DACH1: variants seen among roughly 807,000 people sequenced by gnomAD.
The protein encoded by DACH1 is dachshund homolog 1.
A neutral mutation model predicts 54.2 loss-of-function variants in DACH1; 12 were observed. The observed-to-expected ratio is 0.22, with a 90% CI of 0.14 to 0.36. DACH1 has a LOEUF of 0.36. DACH1 is among the 10% of genes least tolerant of loss of function. The probability of loss-of-function intolerance (pLI) is 1.00; values close to 1 mark genes in which losing one functional copy is unlikely to be tolerated. For synonymous variants in DACH1, 386 were observed against 366.2 expected, an observed-to-expected ratio of 1.05 and a Z score of -0.62; for missense variants, 805 against 929.8, an observed-to-expected ratio of 0.87 and a Z score of 1.75.
chr13:71,503,071 G>A (rs1195874374), intron 6 of DACH1, among the ~76,000 whole-genome samples: 2 of 152,152 alleles, frequency 1.3e-5, no homozygotes, highest in Non-Finnish European at 2.9e-5. Flanking sequence ...TCTTGGGACA[G>A]GCAGCACCGT....
intron 1 of DACH1, among the ~76,000 whole-genome samples, chr13:71,730,190 T>C (rs1231647820): frequency 6.6e-6 from 1 of 151,600 alleles, no homozygotes; most frequent in Non-Finnish European, 1.5e-5. Flanking sequence ...CCCTAAAACT[T>C]AAAGTATAAT....
rs1158501009 is a variant in DACH1 at position 71,536,064 on chromosome 13, T to A, written c.1570+20960A>T. 2.0e-5 allele frequency among the ~76,000 whole-genome samples: 3 copies of A among 152,192 alleles called. No individual in the cohort carries two copies. In the East Asian group the frequency reaches 5.8e-4, roughly 29 times the overall value. On this transcript the variant is annotated intron_variant, in intron 6 of 10. Transcript: ENST00000613252. ...TTTATTTCATTTTGATAGTAAATGA[T>A]TAAGAGAAATGTATTGATTTGTTCC...
Position 71,867,033 on chromosome 13 carries a change from C to T in DACH1, c.-264G>A, listed in dbSNP as rs1874875131. The T allele has an allele frequency of 2.1e-4, 2 of 9,702 alleles. No homozygotes were observed. Among genetic ancestry groups the T allele is most frequent in the Admixed American group, 2.9e-3 (2 of 692 alleles). 0.6% of individuals were successfully genotyped at this position (9,702 alleles called of 1,614,324 possible). A position where few individuals can be genotyped will look rare whatever the true frequency, so the allele number is the denominator to read the frequency against. On this transcript the variant is annotated 5_prime_UTR_variant, in exon 1 of 11. Coordinates refer to ENST00000613252, the MANE Select transcript of DACH1 (RefSeq NM_080759.6). ...CGCAAGTCGAAATGCGAGTCCTCTC[C>T]GGGGGCTGGGATCGAGGGCTGGTTT...
intron 3 of DACH1, among the ~76,000 whole-genome samples, chr13:71,581,983 G>A (rs1446175779): frequency 6.6e-6 from 1 of 152,154 alleles, no homozygotes; most frequent in African/African-American, 2.4e-5. Flanking sequence ...ATATGGGACT[G>A]AAATTTGGAA....
intron 6 of DACH1, among the ~76,000 whole-genome samples, chr13:71,509,270 C>A (rs560275732): frequency 6.6e-6 from 1 of 152,004 alleles, no homozygotes; most frequent in African/African-American, 2.4e-5. Flanking sequence ...CAACTGAGTC[C>A]AATAATGAAA....
chr13:71,601,309 T>C (rs1431352314), intron 3 of DACH1, among the ~76,000 whole-genome samples: 3 of 152,062 alleles, frequency 2.0e-5, no homozygotes, highest in Non-Finnish European at 4.4e-5. Flanking sequence ...TTAAACTTGC[T>C]ATTTATATGA....
Position 71,522,152 on chromosome 13 carries a change from T to G in DACH1, c.1571-33004A>C, listed in dbSNP as rs908309419. Among the ~76,000 whole-genome samples the G allele has an allele frequency of 5.9e-5, 9 of 152,144 alleles. No individual in the cohort carries two copies. In the South Asian group the frequency reaches 8.3e-4, roughly 14 times the overall value. ...TGTTTTTAGTAAGTGGATGTAGTAT[T>G]CATAAGCAGAGAGCTTTCAAGTTTT... On this transcript the variant is annotated intron_variant, in intron 6 of 10. Coordinates refer to ENST00000613252, the MANE Select transcript of DACH1 (RefSeq NM_080759.6).
chr13:71,862,566 G>A (rs1874428647), intron 1 of DACH1, among the ~76,000 whole-genome samples: 1 of 151,776 alleles, frequency 6.6e-6, no homozygotes, highest in Admixed American at 6.6e-5. Flanking sequence ...CATGTTTTGA[G>A]ACCTTTATTT....
intron 1 of DACH1, among the ~76,000 whole-genome samples, chr13:71,816,494 G>A (rs1594255880): frequency 6.7e-6 from 1 of 150,348 alleles, no homozygotes; most frequent in Non-Finnish European, 1.5e-5. Flanking sequence ...GCAAATACAT[G>A]GAATCAACCT....
At chr13:71,800,282 A>G (rs1887239005) in intron 1 of DACH1, among the ~76,000 whole-genome samples, 1 of 152,136 alleles carries the variant, frequency 6.6e-6, no homozygotes, top group African/African-American at 2.4e-5. Flanking sequence ...ATGGTTGCAA[A>G]GAAGCAAAGG....
intron 1 of DACH1, among the ~76,000 whole-genome samples, chr13:71,736,189 A>G (rs1420424448): frequency 6.6e-6 from 1 of 152,182 alleles, no homozygotes; most frequent in Non-Finnish European, 1.5e-5. Flanking sequence ...GTGACCAAAG[A>G]GTAATAATTA....
At chr13:71,617,918 C>G (rs140529818) in intron 3 of DACH1, among the ~76,000 whole-genome samples, 2 of 152,156 alleles carry the variant, frequency 1.3e-5, no homozygotes, top group Non-Finnish European at 2.9e-5. Context: ...AAAATAATTT[C>G]TGCGTTCAAT....
At chr13:71,601,334 T>C (rs1874479429) in intron 3 of DACH1, among the ~76,000 whole-genome samples, 3 of 152,084 alleles carry the variant, frequency 2.0e-5, no homozygotes, top group South Asian at 2.1e-4. Flanking sequence ...TATACTCTTA[T>C]ATTACAGAAA....
At chr13:71,507,268 T>C (rs1593805238) in intron 6 of DACH1, among the ~76,000 whole-genome samples, 2 of 152,182 alleles carry the variant, frequency 1.3e-5, no homozygotes, top group African/African-American at 2.4e-5. Context: ...GTATTCTCTG[T>C]TGTTTATCTT....
chr13:71,447,088 G>A (rs540536993), intron 10 of DACH1, among the ~76,000 whole-genome samples: 10 of 152,228 alleles, frequency 6.6e-5, no homozygotes, highest in South Asian at 2.1e-4. Flanking sequence ...AAAGTATCTC[G>A]TGTCTAAGAA....
At chr13:71,826,587 C>T (rs139173605) in intron 1 of DACH1, among the ~76,000 whole-genome samples, 5 of 151,898 alleles carry the variant, frequency 3.3e-5, no homozygotes, top group African/African-American at 7.3e-5. Context: ...ACCTCTGCTG[C>T]CATAAGGGCA....
intron 6 of DACH1, among the ~76,000 whole-genome samples, chr13:71,548,809 G>A (rs1375398302): frequency 6.6e-6 from 1 of 151,950 alleles, no homozygotes; most frequent in Middle Eastern, 3.4e-3. Context: ...CCAGCTATTC[G>A]GGAGGCTGAG....
chr13:71,552,473 G>A (rs932909189), intron 6 of DACH1, among the ~76,000 whole-genome samples: 1 of 151,560 alleles, frequency 6.6e-6, no homozygotes, highest in African/African-American at 2.4e-5. Context: ...TTACAGGCAA[G>A]GTAAGAAGTG....
intron 1 of DACH1, among the ~76,000 whole-genome samples, chr13:71,766,242 C>G (rs1213276372): frequency 6.6e-6 from 1 of 152,166 alleles, no homozygotes; most frequent in Non-Finnish European, 1.5e-5. Flanking sequence ...CCTTCTCATT[C>G]TCCATCTGTA....
Sources: allele counts gnomAD v4.1 joint callset (sites outside exome capture counted in the v4.1 genomes callset), GRCh38; gene constraint gnomAD v4.1.1; transcripts MANE v1.5; gene names NCBI Gene and HGNC (gene_info 2026-07-23, HGNC 2026-07-21).